The following RANBP9 variants were observed in gnomAD, a reference collection of about 807,000 sequenced individuals.
RANBP9 encodes RAN binding protein 9, also known as ran-binding protein 9.
In RANBP9, 15 loss-of-function variants were observed where a neutral mutation model predicts 84.3. That is an observed-to-expected ratio of 0.18 (90% CI 0.12 to 0.27). The LOEUF (loss-of-function observed/expected upper bound fraction) is 0.27, where lower values mean the gene tolerates loss of function less well. Ranked by LOEUF, RANBP9 falls within the 10% of genes least tolerant of loss-of-function variation. The pLI is 1.00. For synonymous variants in RANBP9, 392 were observed against 349.6 expected, an observed-to-expected ratio of 1.12 and a Z score of -1.35; for missense variants, 809 against 912.8, an observed-to-expected ratio of 0.89 and a Z score of 1.46.
At chr6:13,639,501 GA>G (rs1765014089) in intron 9 of RANBP9, 61 bp downstream of exon 9, 4 of 1,495,604 alleles carry the variant, frequency 2.7e-6, no homozygotes. Flanking sequence ...TTTTCAAAAG[GA>G]AAAAGGTTTA....
chr6:13,639,646 A>C lies in RANBP9; in HGVS notation c.1442T>G (p.Phe481Cys), dbSNP rs773401034. The change falls in exon 9 of 14, where the codon TTT becomes TGT. Residue 481 changes from phenylalanine (F) to cysteine (C), a missense_variant. Transcript: ENST00000011619. The part of the protein sequence containing the change: ...QDSYPVSPRP[F>C]SSPSMSPSHG... ...GCTGGGGCTCATACTTGGACTACTAAAAGGTCGAGGACTAACAGGATAACT... is the reference window on the plus strand; with the variant it reads ...GCTGGGGCTCATACTTGGACTACTACAAGGTCGAGGACTAACAGGATAACT... 1 of 1,613,134 alleles carries C rather than the reference A, an allele frequency of 6.2e-7. No homozygotes were observed. Among genetic ancestry groups the C allele is most frequent in the Admixed American group, 1.7e-5 (1 of 59,998 alleles).
Position 13,711,641 on chromosome 6 carries a change from GC to G in RANBP9, c.-137del. 1.3e-6 allele frequency: 1 copy of G among 798,406 alleles called. No individual in the cohort carries two copies. 49.5% of individuals were successfully genotyped at this position (798,406 alleles called of 1,614,324 possible). On this transcript the variant is annotated 5_prime_UTR_variant, in exon 1 of 14. Coordinates refer to ENST00000011619, the MANE Select transcript of RANBP9 (RefSeq NM_005493.3). ...CCCGGAAGCAGGCGGCGGGCCGCGCGCCCAGGGAGACCGCGGCGGTTGAGGA... is the reference window on the plus strand; with the variant it reads ...CCCGGAAGCAGGCGGCGGGCCGCGCGCCAGGGAGACCGCGGCGGTTGAGGA...
intron 4 of RANBP9, among the ~76,000 whole-genome samples, chr6:13,655,035 T>G (rs182975972): frequency 6.8e-4 from 104 of 152,380 alleles, no homozygotes; most frequent in Middle Eastern, 3.4e-3. Flanking sequence ...AATTTACATA[T>G]GGTTACCTGG....
intron 2 of RANBP9, among the ~76,000 whole-genome samples, chr6:13,686,657 G>C (rs1766198462): frequency 6.6e-6 from 1 of 152,082 alleles, no homozygotes; most frequent in Non-Finnish European, 1.5e-5. Context: ...TCCCACCTCA[G>C]CTGCCAAAAG....
chr6:13,666,676 T>C (rs1355259843), intron 2 of RANBP9, among the ~76,000 whole-genome samples: 1 of 141,190 alleles, frequency 7.1e-6, no homozygotes, highest in African/African-American at 2.6e-5. Flanking sequence ...CTCGGGAGGA[T>C]CACTTGAGCC....
chr6:13,673,088 C>G (rs576884347), intron 2 of RANBP9, among the ~76,000 whole-genome samples: 14 of 152,116 alleles, frequency 9.2e-5, no homozygotes, highest in Non-Finnish European at 1.9e-4. Context: ...ATCAAAACAT[C>G]AACACCTCAT....
chr6:13,642,367 AAATT>A (rs760864825), intron 7 of RANBP9, 108 bp downstream of exon 7: 1 of 431,582 alleles, frequency 2.3e-6, no homozygotes, highest in Non-Finnish European at 3.8e-6. Flanking sequence ...CATCCATTTT[AAATT>A]AATATATTTG....
At chr6:13,640,512 T>C (rs527699930) in intron 8 of RANBP9, among the ~76,000 whole-genome samples, 41 of 152,158 alleles carry the variant, frequency 2.7e-4, no homozygotes, top group Non-Finnish European at 5.6e-4. Context: ...ACTTTAAGTG[T>C]CCATCAGTGG....
At chr6:13,656,396 T>C (rs1765402186) in intron 4 of RANBP9, among the ~76,000 whole-genome samples, 1 of 140,492 alleles carries the variant, frequency 7.1e-6, no homozygotes, top group East Asian at 2.0e-4. Flanking sequence ...ATATTTTCTA[T>C]AGTTTAAAAA....
intron 7 of RANBP9, among the ~76,000 whole-genome samples, chr6:13,641,821 T>C (rs1385769843): frequency 6.6e-6 from 1 of 152,180 alleles, no homozygotes; most frequent in African/African-American, 2.4e-5. Flanking sequence ...CAGCACACAA[T>C]TAACTACAAC....
At chr6:13,683,396 A>G (rs905881036) in intron 2 of RANBP9, among the ~76,000 whole-genome samples, 1 of 152,226 alleles carries the variant, frequency 6.6e-6, no homozygotes, top group African/African-American at 2.4e-5. Flanking sequence ...AAAACTATAT[A>G]CAATCTTAAA....
chr6:13,641,550 T>C (rs1002911581), intron 7 of RANBP9, among the ~76,000 whole-genome samples: 6 of 152,038 alleles, frequency 3.9e-5, no homozygotes, highest in Non-Finnish European at 5.9e-5. Context: ...ACGAGTAATA[T>C]AGTTAAAATA....
chr6:13,675,441 T>C (rs913445725), intron 2 of RANBP9, among the ~76,000 whole-genome samples: 3 of 152,152 alleles, frequency 2.0e-5, no homozygotes, highest in African/African-American at 7.2e-5. Context: ...TTTAAAACTA[T>C]TTTCAACTAA....
At chr6:13,683,299 G>A (rs575931891) in intron 2 of RANBP9, among the ~76,000 whole-genome samples, 1 of 152,112 alleles carries the variant, frequency 6.6e-6, no homozygotes, top group Non-Finnish European at 1.5e-5. Flanking sequence ...CAATATATCT[G>A]AGATAAACAT....
chr6:13,683,289 C>A (rs1042396331), intron 2 of RANBP9, among the ~76,000 whole-genome samples: 1 of 152,102 alleles, frequency 6.6e-6, no homozygotes, highest in East Asian at 1.9e-4. Context: ...AGCAAGAATT[C>A]AATATATCTG....
intron 2 of RANBP9, among the ~76,000 whole-genome samples, chr6:13,675,498 C>T (rs1186014895): frequency 6.6e-6 from 1 of 151,844 alleles, no homozygotes; most frequent in Non-Finnish European, 1.5e-5. Flanking sequence ...AAAGCAGTGC[C>T]TACAGAGAAA....
chr6:13,636,244 T>C (rs575077588), intron 10 of RANBP9, among the ~76,000 whole-genome samples: 16 of 152,276 alleles, frequency 1.1e-4, no homozygotes, highest in South Asian at 1.0e-3. Flanking sequence ...CTACTAATAA[T>C]TGACCTTAAG....
chr6:13,642,378 T>C, intron 7 of RANBP9, 101 bp downstream of exon 7: 1 of 482,218 alleles, frequency 2.1e-6, no homozygotes, highest in Non-Finnish European at 3.3e-6. Flanking sequence ...AATTAATATA[T>C]TTGAAATTTT....
At chr6:13,648,382 C>T (rs1466569196) in intron 5 of RANBP9, among the ~76,000 whole-genome samples, 1 of 151,838 alleles carries the variant, frequency 6.6e-6, no homozygotes, top group African/African-American at 2.4e-5. Context: ...TCTTGATCCG[C>T]CCGCCTTGGC....
Sources: allele counts gnomAD v4.1 joint callset (sites outside exome capture counted in the v4.1 genomes callset), GRCh38; gene constraint gnomAD v4.1.1; transcripts MANE v1.5; gene names NCBI Gene and HGNC (gene_info 2026-07-23, HGNC 2026-07-21).